Variants in LNX1 observed in about 807,000 individuals in gnomAD.
LNX1 encodes the protein E3 ubiquitin-protein ligase LNX.
Under a neutral mutation model 68.4 loss-of-function variants are expected in LNX1, and 54 were observed. The ratio of observed to expected loss-of-function variants is 0.79; its 90% confidence interval spans 0.63 to 0.99. The LOEUF (loss-of-function observed/expected upper bound fraction) is 0.99, where lower values mean the gene tolerates loss of function less well. LNX1 is among the 50% of genes least tolerant of loss of function. The probability of loss-of-function intolerance (pLI) is 0.00; values close to 1 mark genes in which losing one functional copy is unlikely to be tolerated. For missense variants in LNX1, 906 were observed against 926.4 expected (o/e 0.98, Z 0.29); for synonymous variants, 336 against 350.0 (o/e 0.96, Z 0.45).
At chr4:53,624,266 A>G (rs1733993033) in intron 1 of LNX1, among the ~76,000 whole-genome samples, 1 of 152,172 alleles carries the variant, frequency 6.6e-6, no homozygotes, top group Admixed American at 6.5e-5. Context: ...TGCAGCTCCC[A>G]TAATTCCCAC....
At chr4:53,607,997 C>G (rs774601042) in intron 2 of LNX1, among the ~76,000 whole-genome samples, 1 of 152,078 alleles carries the variant, frequency 6.6e-6, no homozygotes, top group Non-Finnish European at 1.5e-5. Flanking sequence ...AATATAAAAC[C>G]TAAAACTTTA....
At chr4:53,580,315 C>A (rs577740994) in intron 1 of LNX1, among the ~76,000 whole-genome samples, 2 of 152,286 alleles carry the variant, frequency 1.3e-5, no homozygotes, top group Non-Finnish European at 1.5e-5. Flanking sequence ...TCCCCCAGGG[C>A]GAGTAGCCTC....
chr4:53,484,482 G>A (rs1365990533), intron 6 of LNX1, among the ~76,000 whole-genome samples: 1 of 151,968 alleles, frequency 6.6e-6, no homozygotes, highest in Non-Finnish European at 1.5e-5. Flanking sequence ...AGAATTGCTT[G>A]AACCCAGAGG....
At chr4:53,649,984 G>A (rs891271068) in intron 1 of LNX1, among the ~76,000 whole-genome samples, 1 of 152,196 alleles carries the variant, frequency 6.6e-6, no homozygotes, top group Admixed American at 6.5e-5. Flanking sequence ...AGAAAAAGGA[G>A]CAGGGACTGC....
chr4:53,550,077 A>G (rs1050905556), intron 2 of LNX1, among the ~76,000 whole-genome samples: 7 of 151,972 alleles, frequency 4.6e-5, no homozygotes, highest in Admixed American at 6.6e-5. Context: ...AAAGGGGGGA[A>G]AAAATAAAAT....
rs534833917 is a variant in LNX1, at chr4:53,461,730, G to A, written c.1893-137C>T. 1.2e-3 allele frequency: 668 copies of A among 575,074 alleles called. 17 individuals carry two copies. In the South Asian group the frequency reaches 0.022, roughly 19 times the overall value. 35.6% of individuals were successfully genotyped at this position (575,074 alleles called of 1,614,324 possible). A position where few individuals can be genotyped will look rare whatever the true frequency, so the allele number is the denominator to read the frequency against. On this transcript the variant is annotated intron_variant, in intron 9 of 10. Coordinates refer to ENST00000263925, the MANE Select transcript of LNX1 (RefSeq NM_001126328.3). Reference sequence around the variant, plus strand: ...CACTGCATAGGTCCCACTCAAAATTGTATCATACCTTGGTGACCTTTGTGC... The same window carrying A: ...CACTGCATAGGTCCCACTCAAAATTATATCATACCTTGGTGACCTTTGTGC...
chr4:53,613,516 C>T (rs1038694305), intron 2 of LNX1, among the ~76,000 whole-genome samples: 3 of 152,106 alleles, frequency 2.0e-5, no homozygotes, highest in Middle Eastern at 3.2e-3. Flanking sequence ...CCTCCACCCC[C>T]CACCGTCCAG....
intron 2 of LNX1, among the ~76,000 whole-genome samples, chr4:53,557,544 ATTC>A (rs1227553548): frequency 6.6e-6 from 1 of 151,924 alleles, no homozygotes; most frequent in African/African-American, 2.4e-5. Context: ...TACAAATTCT[ATTC>A]TTAACTGCTC....
At chr4:53,472,679 CAACAACAAA>C (rs1487883593) in intron 9 of LNX1, among the ~76,000 whole-genome samples, 14 of 40,948 alleles carry the variant, frequency 3.4e-4, no homozygotes, top group African/African-American at 1.1e-3. Context: ...ACAACAACAA[CAACAACAAA>C]AAAAAAAAAA....
At chr4:53,558,386 T>A in intron 2 of LNX1, 2 of 505,850 alleles carry the variant, frequency 4.0e-6, no homozygotes, top group Non-Finnish European at 5.1e-6. Flanking sequence ...CCCCACGGTG[T>A]GAATAATTAA....
At chr4:53,621,229 C>T (rs1156611364), upstream of LNX1, among the ~76,000 whole-genome samples, 1 of 152,140 alleles carries the variant, frequency 6.6e-6, no homozygotes, top group East Asian at 1.9e-4. Context: ...CCCCTAGCTG[C>T]AGTGAAGGAA....
chr4:53,550,747 C>A (rs1380225648), intron 2 of LNX1, among the ~76,000 whole-genome samples: 1 of 152,140 alleles, frequency 6.6e-6, no homozygotes, highest in Non-Finnish European at 1.5e-5. Flanking sequence ...TTCCCCAGGT[C>A]CTGGAGTTCA....
Position 53,573,633 on chromosome 4 carries a change from A to C in LNX1, c.370T>G (p.Phe124Val). 6.2e-7 allele frequency: 1 copy of C among 1,601,728 alleles called. No individual in the cohort carries two copies. ...VLQRCDLEHHFQTSCKGASHY... is the reference protein window; with the variant it reads ...VLQRCDLEHHVQTSCKGASHY... ...TGATGGGGGACCTACCTGGTTTGAA[A>C]GTGATGCTCGAGGTCACAGCGCTGC... Residue 124 changes from phenylalanine to valine, a missense_variant, in exon 2 of 11, where the codon TTT (phenylalanine) becomes GTT (valine). By Grantham distance (50) the Phe-to-Val change is conservative. Transcript: ENST00000263925.
intron 4 of LNX1, among the ~76,000 whole-genome samples, chr4:53,499,210 C>T (rs1016444164): frequency 6.6e-5 from 10 of 152,112 alleles, no homozygotes; most frequent in Non-Finnish European, 1.2e-4. Flanking sequence ...TACTCTGTTG[C>T]CCAGGCTGGA....
intron 1 of LNX1, chr4:53,576,198 A>C: frequency 6.3e-7 from 1 of 1,588,584 alleles, no homozygotes; most frequent in Non-Finnish European, 8.6e-7. Context: ...TGGATGTGAC[A>C]ATCTCCACCA....
chr4:53,626,767 G>A (rs1054264812), intron 1 of LNX1, among the ~76,000 whole-genome samples: 1 of 150,668 alleles, frequency 6.6e-6, no homozygotes, highest in Non-Finnish European at 1.5e-5. Flanking sequence ...GAAAGCTCCA[G>A]GGTTTCTTAA....
intron 2 of LNX1, among the ~76,000 whole-genome samples, chr4:53,552,380 T>C (rs559985881): frequency 1.8e-4 from 27 of 152,270 alleles, no homozygotes; most frequent in African/African-American, 6.5e-4. Context: ...TCAAGGATGA[T>C]AGGAACTAAA....
chr4:53,477,552 A>G (rs1723645414), intron 8 of LNX1, among the ~76,000 whole-genome samples: 1 of 152,200 alleles, frequency 6.6e-6, no homozygotes. Context: ...GATCATTTCC[A>G]TATAGATCAT....
rs75994048 is a variant in LNX1 at position 53,591,208 on chromosome 4, T to C, written c.-87+180A>G. Among the ~76,000 whole-genome samples, 1,450 of 152,288 alleles carry C rather than the reference T, an allele frequency of 9.5e-3. 15 individuals carry two copies. The highest frequency in any genetic ancestry group is 0.034 in the African/African-American group (1,393 of 41,558). ...TATCTGGCCTGGGAGAAGTTTATTG[T>C]GCAACTAGAATGTCAAAGTCATCTC... On this transcript the variant is annotated intron_variant, in intron 1 of 10. Transcript: ENST00000263925.
Sources: allele counts gnomAD v4.1 joint callset (sites outside exome capture counted in the v4.1 genomes callset), GRCh38; gene constraint gnomAD v4.1.1; transcripts MANE v1.5; gene names NCBI Gene and HGNC (gene_info 2026-07-23, HGNC 2026-07-21).